The following FHIT variants were observed in gnomAD, a reference collection of about 807,000 sequenced individuals.
The protein encoded by FHIT is fragile histidine triad diadenosine triphosphatase.
In FHIT, 19 loss-of-function variants were observed where a neutral mutation model predicts 17.9. That is an observed-to-expected ratio of 1.06 (90% CI 0.74 to 1.56). The LOEUF (loss-of-function observed/expected upper bound fraction) is 1.56. Ranked by LOEUF, FHIT falls within the 40% of genes most tolerant of loss-of-function variation. The pLI is 0.00. For missense variants in FHIT, 248 were observed against 189.2 expected (o/e 1.31, Z -1.82); for synonymous variants, 81 against 69.7 (o/e 1.16, Z -0.81).
chr3:60,112,932 A>G (rs1704742930), intron 5 of FHIT, among the ~76,000 whole-genome samples: 1 of 152,218 alleles, frequency 6.6e-6, no homozygotes. Flanking sequence ...TCACAGTCGA[A>G]TACCACTGAC....
In FHIT at chr3:61,056,990, G is replaced by C. The variant is rs115944036; in HGVS notation, c.-163-14891C>G. On this transcript the variant is annotated intron_variant, in intron 2 of 9. Transcript: ENST00000492590. ...TTGTGCCTCATGATCTCAGAGTAGGGGTGGAGTACATATGAATTGTCCCAG... is the reference window on the plus strand; with the variant it reads ...TTGTGCCTCATGATCTCAGAGTAGGCGTGGAGTACATATGAATTGTCCCAG... Among the ~76,000 whole-genome samples, 930 of 152,256 alleles carry C rather than the reference G, an allele frequency of 6.1e-3. 7 individuals carry two copies. Among genetic ancestry groups the C allele is most frequent in the African/African-American group, 0.021 (863 of 41,528 alleles).
chr3:60,842,993 T>C (rs1882897), intron 3 of FHIT, among the ~76,000 whole-genome samples: 35,764 of 152,022 alleles, frequency 0.24, 4,558 homozygotes, highest in Middle Eastern at 0.33. Context: ...CAGATAGATA[T>C]AATCTATCAT....
intron 5 of FHIT, among the ~76,000 whole-genome samples, chr3:60,531,079 T>C (rs1041726748): frequency 2.6e-5 from 4 of 152,172 alleles, no homozygotes; most frequent in Admixed American, 2.0e-4. Flanking sequence ...CCCACTACAA[T>C]GGACAGCAAT....
intron 5 of FHIT, among the ~76,000 whole-genome samples, chr3:60,296,391 A>G (rs1478301202): frequency 6.6e-6 from 1 of 152,060 alleles, no homozygotes; most frequent in East Asian, 1.9e-4. Flanking sequence ...GCGATATCTC[A>G]ACGTGGTTTT....
At chr3:61,097,462 T>C (rs1363540571) in intron 2 of FHIT, among the ~76,000 whole-genome samples, 1 of 152,242 alleles carries the variant, frequency 6.6e-6, no homozygotes. Flanking sequence ...GGTATATAAA[T>C]ACCCAGTAAT....
chr3:60,386,603 A>G (rs550961622), intron 5 of FHIT, among the ~76,000 whole-genome samples: 1 of 152,148 alleles, frequency 6.6e-6, no homozygotes, highest in Non-Finnish European at 1.5e-5. Context: ...TGCTGGCATG[A>G]CCTCACACTC....
intron 5 of FHIT, among the ~76,000 whole-genome samples, chr3:60,221,219 T>A (rs213408): frequency 0.32 from 49,064 of 152,044 alleles, 9,684 homozygotes; most frequent in East Asian, 0.71. Flanking sequence ...TCCTTTTTCA[T>A]CAACTAACAT....
intron 4 of FHIT, among the ~76,000 whole-genome samples, chr3:60,615,981 C>T (rs782208647): frequency 6.6e-6 from 1 of 152,200 alleles, no homozygotes; most frequent in Non-Finnish European, 1.5e-5. Flanking sequence ...TTCCTCATTG[C>T]TGTACATTGA....
intron 5 of FHIT, among the ~76,000 whole-genome samples, chr3:60,235,319 C>T (rs964986602): frequency 1.3e-5 from 2 of 151,806 alleles, no homozygotes; most frequent in African/African-American, 4.8e-5. Flanking sequence ...CAACCTCCGC[C>T]TCCTGGGTTC....
At chr3:60,663,479 A>T (rs897100805) in intron 4 of FHIT, among the ~76,000 whole-genome samples, 2 of 151,986 alleles carry the variant, frequency 1.3e-5, no homozygotes, top group African/African-American at 4.8e-5. Flanking sequence ...CTTGTTGCCC[A>T]GGCTGGAGTG....
intron 7 of FHIT, among the ~76,000 whole-genome samples, chr3:59,975,013 A>G (rs1708347899): frequency 6.6e-6 from 1 of 152,098 alleles, no homozygotes; most frequent in Admixed American, 6.6e-5. Context: ...ACTAATCGCC[A>G]CTTAACATGT....
intron 5 of FHIT, among the ~76,000 whole-genome samples, chr3:60,186,926 G>T (rs1702183223): frequency 6.6e-6 from 1 of 151,782 alleles, no homozygotes; most frequent in South Asian, 2.1e-4. Flanking sequence ...TTCTACTCTA[G>T]CTCCCACTGA....
intron 5 of FHIT, among the ~76,000 whole-genome samples, chr3:60,113,277 C>T (rs183180764): frequency 6.6e-6 from 1 of 152,294 alleles, no homozygotes; most frequent in East Asian, 1.9e-4. Flanking sequence ...GCATGAAACA[C>T]ATACCAAGCA....
intron 4 of FHIT, among the ~76,000 whole-genome samples, chr3:60,582,537 C>G (rs2037780625): frequency 6.6e-6 from 1 of 152,026 alleles, no homozygotes; most frequent in Non-Finnish European, 1.5e-5. Context: ...ACCTTCTTAA[C>G]AGACCAAAGT....
chr3:60,144,142 T>C (rs928999291), intron 5 of FHIT, among the ~76,000 whole-genome samples: 3 of 152,210 alleles, frequency 2.0e-5, no homozygotes, highest in Non-Finnish European at 2.9e-5. Flanking sequence ...TTTGAGTTGC[T>C]TCTCACATGA....
intron 2 of FHIT, among the ~76,000 whole-genome samples, chr3:61,186,639 T>G (rs539618734): frequency 6.6e-6 from 1 of 152,318 alleles, no homozygotes; most frequent in East Asian, 1.9e-4. Context: ...CTGGTTAGTT[T>G]TTGAGGGTCA....
intron 3 of FHIT, among the ~76,000 whole-genome samples, chr3:60,861,275 T>TGATA (rs1703871157): frequency 5.1e-5 from 6 of 118,296 alleles, no homozygotes; most frequent in Admixed American, 9.3e-5. Flanking sequence ...ATATCATATA[T>TGATA]CTTTCTTTTT....
chr3:60,050,420 A>C (rs371341817), intron 5 of FHIT, among the ~76,000 whole-genome samples: 41 of 152,320 alleles, frequency 2.7e-4, no homozygotes, highest in African/African-American at 7.9e-4. Flanking sequence ...TCTTCAGTCC[A>C]TCATGAAGCC....
chr3:60,135,976 G>A (rs560401350), intron 5 of FHIT, among the ~76,000 whole-genome samples: 19 of 152,108 alleles, frequency 1.2e-4, no homozygotes, highest in Non-Finnish European at 2.2e-4. Context: ...TTTATAAAAC[G>A]TCTCACCATC....
Sources: gnomAD v4.1 joint callset for allele counts (sites outside exome capture counted in the v4.1 genomes callset) on GRCh38, gnomAD v4.1.1 for gene constraint, MANE v1.5 for transcripts, NCBI Gene and HGNC (gene_info 2026-07-23, HGNC 2026-07-21) for gene names.